Variants in CNTNAP2 observed in about 807,000 individuals in gnomAD.
CNTNAP2 encodes the protein contactin-associated protein-like 2.
A neutral mutation model predicts 155.2 loss-of-function variants in CNTNAP2; 98 were observed. The observed-to-expected ratio is 0.63, with a 90% CI of 0.54 to 0.75. The LOEUF is 0.75. Among genes scored for constraint, CNTNAP2 ranks in the 30% least tolerant of loss-of-function variants. CNTNAP2 has a pLI of 0.00. For missense variants in CNTNAP2, 1,727 were observed against 1,688.1 expected, an observed-to-expected ratio of 1.02 and a Z score of -0.40; for synonymous variants, 651 against 631.2, an observed-to-expected ratio of 1.03 and a Z score of -0.47.
At chr7:147,918,210 A>G (rs564262354) in intron 14 of CNTNAP2, among the ~76,000 whole-genome samples, 1 of 152,342 alleles carries the variant, frequency 6.6e-6, no homozygotes, top group East Asian at 1.9e-4. Flanking sequence ...ACCATACCTC[A>G]TGTGTATTAT....
intron 1 of CNTNAP2, among the ~76,000 whole-genome samples, chr7:146,453,248 C>G (rs1351791827): frequency 6.6e-6 from 1 of 152,188 alleles, no homozygotes; most frequent in East Asian, 1.9e-4. Flanking sequence ...TTAAAAGGAA[C>G]AATTCCTGAA....
chr7:147,907,233 T>A (rs1799975614), intron 14 of CNTNAP2, among the ~76,000 whole-genome samples: 1 of 152,088 alleles, frequency 6.6e-6, no homozygotes, highest in African/African-American at 2.4e-5. Flanking sequence ...ATTTTTTGTA[T>A]TTTTAGTAGA....
intron 13 of CNTNAP2, among the ~76,000 whole-genome samples, chr7:147,836,682 A>C (rs1159760759): frequency 6.6e-6 from 1 of 152,186 alleles, no homozygotes; most frequent in African/African-American, 2.4e-5. Context: ...GACGGCAGGC[A>C]CAGGACATTT....
chr7:148,274,122 T>C (rs1796829903), intron 21 of CNTNAP2, among the ~76,000 whole-genome samples: 1 of 151,860 alleles, frequency 6.6e-6, no homozygotes, highest in South Asian at 2.1e-4. Context: ...CCCTCTAGAG[T>C]CCTTTTATCC....
intron 14 of CNTNAP2, among the ~76,000 whole-genome samples, chr7:147,929,679 A>G (rs1800462858): frequency 6.6e-6 from 1 of 152,208 alleles, no homozygotes; most frequent in South Asian, 2.1e-4. Context: ...GCCAAAAAGT[A>G]AAGCCACCCT....
At position 147,441,813 on chromosome 7, in the gene CNTNAP2, T is replaced by TTCTCTCTCTCTCTC. The variant is rs568227936; in HGVS notation, c.1671-44097_1671-44084dup. On this transcript the variant is annotated intron_variant, in intron 10 of 23. Transcript: ENST00000361727. The stretch of plus-strand genomic sequence containing the variant: ...TTTCTTCCAACCAAATGTAGTCTCT[T>TTCTCTCTCTCTCTC]TCTCTCTCTCTCTCTCTCTCTCTCT... 8.8e-3 allele frequency among the ~76,000 whole-genome samples: 897 copies of TTCTCTCTCTCTCTC among 102,140 alleles called. 43 individuals are homozygous for TTCTCTCTCTCTCTC. The highest frequency in any genetic ancestry group is 0.023 in the South Asian group (49 of 2,176). The allele number at this position is 102,140 out of a possible 152,430, so 67.0% of individuals were successfully genotyped here.
chr7:146,516,568 G>A (rs1797544870), intron 1 of CNTNAP2, among the ~76,000 whole-genome samples: 1 of 151,906 alleles, frequency 6.6e-6, no homozygotes, highest in African/African-American at 2.4e-5. Context: ...CATCATGTCA[G>A]GAGGGAGTAT....
intron 2 of CNTNAP2, among the ~76,000 whole-genome samples, chr7:146,825,774 G>C (rs1362759404): frequency 6.6e-6 from 1 of 151,960 alleles, no homozygotes; most frequent in Non-Finnish European, 1.5e-5. Flanking sequence ...ATGTGTGGTC[G>C]ACCTAGCTTC....
chr7:147,413,267 C>T (rs1018717440), intron 10 of CNTNAP2, among the ~76,000 whole-genome samples: 4 of 152,248 alleles, frequency 2.6e-5, no homozygotes, highest in African/African-American at 9.6e-5. Context: ...CATGGAGAAA[C>T]TAGATTTTGG....
chr7:147,486,889 C>CTGTGTATGTGTGTG (rs1554490697), intron 11 of CNTNAP2, among the ~76,000 whole-genome samples: 1 of 146,944 alleles, frequency 6.8e-6, no homozygotes, highest in Admixed American at 6.8e-5. Flanking sequence ...ACGTATGTGC[C>CTGTGTATGTGTGTG]TGTGTGTGTG....
intron 1 of CNTNAP2, among the ~76,000 whole-genome samples, chr7:146,647,399 T>G (rs893874810): frequency 2.6e-5 from 4 of 152,072 alleles, no homozygotes; most frequent in Non-Finnish European, 2.9e-5. Flanking sequence ...TTCAGTATCT[T>G]TATAAGAACC....
intron 1 of CNTNAP2, among the ~76,000 whole-genome samples, chr7:146,597,793 G>T (rs886110745): frequency 6.6e-6 from 1 of 151,838 alleles, no homozygotes; most frequent in African/African-American, 2.4e-5. Flanking sequence ...ATTAATGTGG[G>T]TACAATAAAA....
At chr7:147,966,437 A>G (rs535792229) in intron 14 of CNTNAP2, among the ~76,000 whole-genome samples, 1 of 152,242 alleles carries the variant, frequency 6.6e-6, no homozygotes, top group East Asian at 1.9e-4. Context: ...AATGTACAGA[A>G]AGTAAATTAG....
intron 1 of CNTNAP2, among the ~76,000 whole-genome samples, chr7:146,514,433 C>T (rs1177119328): frequency 6.6e-6 from 1 of 151,942 alleles, no homozygotes; most frequent in Non-Finnish European, 1.5e-5. Context: ...TATTTTTCTC[C>T]TGTGACTCTA....
chr7:147,389,676 A>G (rs904960589), intron 9 of CNTNAP2, among the ~76,000 whole-genome samples: 8 of 152,204 alleles, frequency 5.3e-5, no homozygotes, highest in Non-Finnish European at 1.2e-4. Flanking sequence ...ATGTTCCTGG[A>G]AAGAAGAAAG....
At chr7:147,753,263 T>C (rs1316678253) in intron 13 of CNTNAP2, among the ~76,000 whole-genome samples, 1 of 152,212 alleles carries the variant, frequency 6.6e-6, no homozygotes, top group Non-Finnish European at 1.5e-5. Flanking sequence ...GCTTTTCTAA[T>C]AGACTGAAAC....
chr7:147,737,869 A>G (rs1796883812), intron 13 of CNTNAP2, among the ~76,000 whole-genome samples: 1 of 152,210 alleles, frequency 6.6e-6, no homozygotes, highest in Non-Finnish European at 1.5e-5. Context: ...CCATTGGAAA[A>G]GTACAATATT....
intron 1 of CNTNAP2, among the ~76,000 whole-genome samples, chr7:146,469,773 A>G (rs1584939840): frequency 6.6e-6 from 1 of 151,094 alleles, no homozygotes; most frequent in African/African-American, 2.4e-5. Flanking sequence ...AGAGATCCAC[A>G]CGCCTAGGCC....
At chr7:146,721,667 A>G (rs1417061628) in intron 1 of CNTNAP2, among the ~76,000 whole-genome samples, 1 of 120,622 alleles carries the variant, frequency 8.3e-6, no homozygotes, top group Non-Finnish European at 1.6e-5. Context: ...TATACATTCT[A>G]TATATATACT....
Sources: gnomAD v4.1 joint callset for allele counts (sites outside exome capture counted in the v4.1 genomes callset) on GRCh38, gnomAD v4.1.1 for gene constraint, MANE v1.5 for transcripts, NCBI Gene and HGNC (gene_info 2026-07-23, HGNC 2026-07-21) for gene names.